ITPR2: variants seen among roughly 807,000 people sequenced by gnomAD.
The protein encoded by ITPR2 is inositol 1,4,5-trisphosphate-gated calcium channel ITPR2.
ITPR2 carries 207 observed loss-of-function variants against 317.1 expected under a neutral mutation model. That is an observed-to-expected ratio of 0.65 (90% CI 0.58 to 0.73). ITPR2 has a LOEUF of 0.73. Among genes scored for constraint, ITPR2 ranks in the 30% least tolerant of loss-of-function variants. The probability of loss-of-function intolerance (pLI) is 0.00; values close to 1 mark genes in which losing one functional copy is unlikely to be tolerated. For synonymous variants in ITPR2, 1,156 were observed against 1,149.1 expected (o/e 1.01, Z -0.12); for missense variants, 2,613 against 3,284.0 (o/e 0.80, Z 4.99).
chr12:26,643,168 C>T lies in ITPR2; in HGVS notation c.2740+10808G>A, dbSNP rs551557096. On this transcript the variant is annotated intron_variant, in intron 21 of 56. Transcript: ENST00000381340. ...CCAAAAAGCAGACCCCCACTGGACACCAAATCTGCAGGCACCATAATCCTG... is the reference window on the plus strand; with the variant it reads ...CCAAAAAGCAGACCCCCACTGGACATCAAATCTGCAGGCACCATAATCCTG... 2.0e-5 allele frequency among the ~76,000 whole-genome samples: 3 copies of T among 152,214 alleles called. No individual in the cohort carries two copies. The East Asian group carries it at 5.8e-4, about 29-fold the overall frequency.
At chr12:26,645,970 C>CTTTTTT (rs777192053) in intron 21 of ITPR2, among the ~76,000 whole-genome samples, 19 of 119,002 alleles carry the variant, frequency 1.6e-4, no homozygotes, top group East Asian at 4.8e-4. Context: ...TCTTTCTTTC[C>CTTTTTT]TTTTTTTTTT....
At chr12:26,667,509 G>A (rs899891023) in intron 13 of ITPR2, among the ~76,000 whole-genome samples, 2 of 152,182 alleles carry the variant, frequency 1.3e-5, no homozygotes, top group Non-Finnish European at 2.9e-5. Flanking sequence ...AATCTCTGAA[G>A]GCAGCCACAG....
chr12:26,556,138 G>T, intron 36 of ITPR2, 95 bp downstream of exon 36: 1 of 1,182,508 alleles, frequency 8.5e-7, no homozygotes, highest in Middle Eastern at 2.2e-4. Context: ...ATACTTTGCG[G>T]ACTGTCATTT....
chr12:26,340,677 C>T (rs1938081642), intron 55 of ITPR2, among the ~76,000 whole-genome samples: 1 of 152,000 alleles, frequency 6.6e-6, no homozygotes, highest in African/African-American at 2.4e-5. Flanking sequence ...ACAGCATAGG[C>T]ATGCACTGTT....
chr12:26,752,186 T>C (rs1014033255), intron 2 of ITPR2, among the ~76,000 whole-genome samples: 4 of 152,214 alleles, frequency 2.6e-5, no homozygotes, highest in Admixed American at 2.0e-4. Context: ...GTTTCTCCTA[T>C]TGCATTCTCA....
chr12:26,762,006 G>A (rs1229494041), intron 2 of ITPR2, among the ~76,000 whole-genome samples: 2 of 152,052 alleles, frequency 1.3e-5, no homozygotes, highest in Non-Finnish European at 2.9e-5. Flanking sequence ...TATAGAAGGT[G>A]AGCTCAAAGG....
intron 37 of ITPR2, among the ~76,000 whole-genome samples, chr12:26,529,419 G>A (rs1217554224): frequency 6.6e-6 from 1 of 152,168 alleles, no homozygotes; most frequent in East Asian, 1.9e-4. Flanking sequence ...GGTGTGTGCT[G>A]TTTCCTCTGC....
At chr12:26,793,389 T>G (rs1214086622) in intron 1 of ITPR2, among the ~76,000 whole-genome samples, 2 of 152,126 alleles carry the variant, frequency 1.3e-5, no homozygotes. Context: ...AAAAAAACCT[T>G]CCTTTGTCCA....
intron 43 of ITPR2, among the ~76,000 whole-genome samples, chr12:26,478,942 C>T (rs1591817028): frequency 6.6e-6 from 1 of 151,972 alleles, no homozygotes; most frequent in East Asian, 1.9e-4. Flanking sequence ...GAATGAATGA[C>T]ATAAAATAAA....
chr12:26,535,980 G>A (rs1339275496), intron 37 of ITPR2, among the ~76,000 whole-genome samples: 1 of 152,196 alleles, frequency 6.6e-6, no homozygotes, highest in African/African-American at 2.4e-5. Context: ...GTCTTGTCAA[G>A]AGGCTACAGA....
At chr12:26,416,028 C>T (rs1234410106) in intron 50 of ITPR2, among the ~76,000 whole-genome samples, 6 of 151,956 alleles carry the variant, frequency 3.9e-5, no homozygotes, top group East Asian at 1.9e-4. Flanking sequence ...CTGATGCAGC[C>T]GGAAAAGTAT....
chr12:26,636,891 C>T (rs1394063517), intron 21 of ITPR2, among the ~76,000 whole-genome samples: 1 of 152,130 alleles, frequency 6.6e-6, no homozygotes, highest in East Asian at 1.9e-4. Context: ...CTGATCTCAG[C>T]ATGAATCATG....
chr12:26,756,605 A>G (rs1175065023), intron 2 of ITPR2, among the ~76,000 whole-genome samples: 1 of 152,222 alleles, frequency 6.6e-6, no homozygotes, highest in East Asian at 1.9e-4. Flanking sequence ...GGAACTCAAG[A>G]GTCACGGATA....
At chr12:26,733,182 C>T (rs1025506394) in intron 2 of ITPR2, among the ~76,000 whole-genome samples, 1 of 151,822 alleles carries the variant, frequency 6.6e-6, no homozygotes, top group Admixed American at 6.6e-5. Context: ...GGCGCAGTGG[C>T]GTGTGCCTGT....
At chr12:26,616,510 T>C (rs1946378216) in intron 26 of ITPR2, among the ~76,000 whole-genome samples, 1 of 152,172 alleles carries the variant, frequency 6.6e-6, no homozygotes, top group South Asian at 2.1e-4. Context: ...ATTTTTAGTA[T>C]CTAATATTGA....
chr12:26,504,139 AAATGGAAAACC>A (rs1227041488), intron 37 of ITPR2, among the ~76,000 whole-genome samples: 8 of 152,242 alleles, frequency 5.3e-5, no homozygotes, highest in Non-Finnish European at 7.3e-5. Flanking sequence ...AAGTAGTGTT[AAATGGAAAACC>A]AATATTCCAT....
chr12:26,518,341 G>A (rs1023509751), intron 37 of ITPR2, among the ~76,000 whole-genome samples: 2 of 152,114 alleles, frequency 1.3e-5, no homozygotes, highest in African/African-American at 4.8e-5. Context: ...ACACAAAGAA[G>A]GGAATAACAG....
chr12:26,782,377 G>A (rs1950113197), intron 2 of ITPR2, among the ~76,000 whole-genome samples: 1 of 150,832 alleles, frequency 6.6e-6, no homozygotes, highest in African/African-American at 2.4e-5. Context: ...ATTTGTACCT[G>A]GCAACAGTTA....
chr12:26,585,411 C>T (rs1318861950), intron 32 of ITPR2, among the ~76,000 whole-genome samples: 1 of 152,080 alleles, frequency 6.6e-6, no homozygotes, highest in Admixed American at 6.6e-5. Flanking sequence ...TACATATTAT[C>T]GTATTATCAT....
Sources: allele counts gnomAD v4.1 joint callset (sites outside exome capture counted in the v4.1 genomes callset), GRCh38; gene constraint gnomAD v4.1.1; transcripts MANE v1.5; gene names NCBI Gene and HGNC (gene_info 2026-07-23, HGNC 2026-07-21).